Variants in SPTBN4 observed in about 807,000 individuals in gnomAD.
SPTBN4 encodes the protein spectrin beta chain, non-erythrocytic 4.
SPTBN4 carries 96 observed loss-of-function variants against 277.8 expected under a neutral mutation model. The observed-to-expected ratio is 0.35, with a 90% CI of 0.29 to 0.41. The LOEUF is 0.41. Among genes scored for constraint, SPTBN4 ranks in the 10% least tolerant of loss-of-function variants. SPTBN4 has a pLI of 1.00. For missense variants in SPTBN4, 3,006 were observed against 3,595.7 expected, an observed-to-expected ratio of 0.84 and a Z score of 4.19; for synonymous variants, 1,481 against 1,580.3, an observed-to-expected ratio of 0.94 and a Z score of 1.49.
rs557010488 is a variant in SPTBN4 at position 40,546,225 on chromosome 19, C to CAAA, written c.4360-2950_4360-2948dup. 8.5e-3 allele frequency among the ~76,000 whole-genome samples: 588 copies of CAAA among 69,260 alleles called. 11 individuals are homozygous for CAAA. Among genetic ancestry groups the CAAA allele is most frequent in the African/African-American group, 0.032 (562 of 17,810 alleles). 45.4% of individuals were successfully genotyped at this position (69,260 alleles called of 152,430 possible). ...GGGCAAAAAGAGCGAAACTCCATCT[C>CAAA]AAAAAAAAAAAAAAAAGAAAGAAAG... On this transcript the variant is annotated intron_variant, in intron 20 of 35. Coordinates refer to ENST00000598249, the MANE Select transcript of SPTBN4 (RefSeq NM_020971.3).
chr19:40,469,156 C>T (rs2079857136), intron 1 of SPTBN4, among the ~76,000 whole-genome samples: 2 of 152,054 alleles, frequency 1.3e-5, no homozygotes, highest in Non-Finnish European at 2.9e-5. Context: ...ACTCTACTCA[C>T]TCTACTGACC....
chr19:40,497,438 C>T (rs1377389669), intron 6 of SPTBN4, 51 bp from the exon 7 acceptor site: 16 of 1,429,968 alleles, frequency 1.1e-5, no homozygotes, highest in South Asian at 4.6e-5. Context: ...CCTGCTTGCC[C>T]GCCGGCTCTG....
At position 40,515,333 on chromosome 19, in the gene SPTBN4, A is replaced by T. The variant is rs767861217; in HGVS notation, c.2788A>T (p.Met930Leu). The T allele has an allele frequency of 6.2e-7, 1 of 1,612,688 alleles. No homozygotes were observed. The highest frequency in any genetic ancestry group is 1.7e-5 in the Admixed American group (1 of 59,818). The change falls in exon 15 of 36, where the codon ATG becomes TTG. Residue 930 changes from methionine (M) to leucine (L), a missense_variant. By Grantham distance (15) the Met-to-Leu change is conservative. This residue lies in a region of SPTBN4 where 1,759 missense variants were observed against 2,061.5 expected (regional missense o/e 0.85). Transcript: ENST00000598249. The surrounding 1 kb of genome is among the most constrained non-coding windows in gnomAD (Gnocchi z 4.1). ...QHRFESLDQE[M>L]NSLMGRVLDV... is the part of the protein sequence containing the mutation. ...CAGATTCGAGAGCCTGGACCAAGAGATGAACAGCCTGATGGGCCGCGTTCT... is the reference window on the plus strand; with the variant it reads ...CAGATTCGAGAGCCTGGACCAAGAGTTGAACAGCCTGATGGGCCGCGTTCT...
At chr19:40,489,948 C>T (rs2145828076) in intron 3 of SPTBN4, 127 bp from the exon 4 acceptor site, 4 of 925,068 alleles carry the variant, frequency 4.3e-6, no homozygotes, top group East Asian at 5.5e-5. Context: ...GAGAGGAGGA[C>T]AGCCTGATCC....
intron 20 of SPTBN4, 116 bp downstream of exon 20, chr19:40,534,459 A>G (rs1248757879): frequency 1.5e-6 from 2 of 1,337,176 alleles, no homozygotes; most frequent in African/African-American, 3.0e-5. Flanking sequence ...ATTTATTTCA[A>G]ACTTGTAGAA....
chr19:40,542,891 T>C (rs2080817905), intron 20 of SPTBN4, among the ~76,000 whole-genome samples: 1 of 152,078 alleles, frequency 6.6e-6, no homozygotes, highest in Admixed American at 6.6e-5. Flanking sequence ...GCTAATTATG[T>C]CTTCATAATT....
Position 40,517,267 on chromosome 19 carries a change from T to C in SPTBN4, c.2903+1819T>C, listed in dbSNP as rs532367326. Reference sequence around the variant, plus strand: ...AACCGGGCTTTGAAGATGGATATGTTTGACTTCAAAGACTGTGCTCTTTTT... The same window carrying C: ...AACCGGGCTTTGAAGATGGATATGTCTGACTTCAAAGACTGTGCTCTTTTT... On this transcript the variant is annotated intron_variant, in intron 15 of 35. Coordinates refer to ENST00000598249, the MANE Select transcript of SPTBN4 (RefSeq NM_020971.3). Among the ~76,000 whole-genome samples, 2 of 152,072 alleles carry C rather than the reference T, an allele frequency of 1.3e-5. 1 individual carries two copies. The highest frequency in any genetic ancestry group is 4.8e-5 in the African/African-American group (2 of 41,500).
At chr19:40,489,749 G>A (rs1352743828) in intron 3 of SPTBN4, among the ~76,000 whole-genome samples, 1 of 151,658 alleles carries the variant, frequency 6.6e-6, no homozygotes, top group Non-Finnish European at 1.5e-5. Context: ...CCAGGGCTGA[G>A]ACTATGGGCT....
At chr19:40,570,785 G>C in intron 33 of SPTBN4, 57 bp downstream of exon 33, 1 of 1,563,734 alleles carries the variant, frequency 6.4e-7, no homozygotes, top group Non-Finnish European at 8.7e-7. Flanking sequence ...TGACCATTGC[G>C]TGGAGCGGTG....
intron 15 of SPTBN4, among the ~76,000 whole-genome samples, chr19:40,517,554 G>T (rs549014484): frequency 2.0e-5 from 3 of 151,996 alleles, no homozygotes; most frequent in Non-Finnish European, 4.4e-5. Flanking sequence ...CTTGGCCTCC[G>T]CAAGTGCTGG....
rs796448731 is a variant in SPTBN4 at position 40,523,743 on chromosome 19, T to G, written c.3857+104T>G. 120 of 1,028,928 alleles carry G rather than the reference T, an allele frequency of 1.2e-4. No homozygotes were observed. In the African/African-American group the frequency reaches 1.8e-3, roughly 16 times the overall value. The allele number at this position is 1,028,928 out of a possible 1,614,324, so 63.7% of individuals were successfully genotyped here. A position where few individuals can be genotyped will look rare whatever the true frequency, so the allele number is the denominator to read the frequency against. On this transcript the variant is annotated intron_variant, in intron 17 of 35. Transcript: ENST00000598249. The stretch of plus-strand genomic sequence containing the variant: ...GGGTCCCACTCCTTTCATCACGATT[T>G]CTGCTTCTCTGGGGCTCTTTCCTAT...
intron 35 of SPTBN4, 123 bp downstream of exon 35, chr19:40,572,503 A>G: frequency 7.9e-7 from 1 of 1,271,292 alleles, no homozygotes; most frequent in Non-Finnish European, 1.1e-6. Context: ...TCAGGGCTGT[A>G]ATGGGAAAGC....
intron 30 of SPTBN4, 85 bp from the exon 31 acceptor site, chr19:40,567,578 A>C: frequency 1.5e-6 from 2 of 1,355,438 alleles, no homozygotes; most frequent in Non-Finnish European, 9.7e-7. Flanking sequence ...ATGAGGCAGA[A>C]AAACCCAGGC....
chr19:40,569,087 G>A (rs1242857016), intron 31 of SPTBN4, among the ~76,000 whole-genome samples: 5 of 152,088 alleles, frequency 3.3e-5, no homozygotes, highest in Non-Finnish European at 7.4e-5. Flanking sequence ...TCAGGGGTGG[G>A]TGGAGAAAGG....
At chr19:40,543,004 T>A (rs1302529327) in intron 20 of SPTBN4, among the ~76,000 whole-genome samples, 2 of 152,144 alleles carry the variant, frequency 1.3e-5, no homozygotes, top group African/African-American at 4.8e-5. Flanking sequence ...TGTCTTCATT[T>A]CTGAGCACCG....
intron 20 of SPTBN4, among the ~76,000 whole-genome samples, chr19:40,535,821 T>TAGCTACTCAGGAGGTTGTAATCCC (rs2080729059): frequency 6.6e-6 from 1 of 151,922 alleles, no homozygotes; most frequent in Non-Finnish European, 1.5e-5. Context: ...CCTGTAATCC[T>TAGCTACTCAGGAGGTTGTAATCCC]AGCTACTCAG....
At chr19:40,548,392 A>G (rs1255551237) in intron 20 of SPTBN4, among the ~76,000 whole-genome samples, 1 of 152,004 alleles carries the variant, frequency 6.6e-6, no homozygotes, top group Non-Finnish European at 1.5e-5. Flanking sequence ...TTGGGAGGTC[A>G]AGGCACAAGA....
At chr19:40,482,719 T>G (rs1247053910) in intron 2 of SPTBN4, among the ~76,000 whole-genome samples, 1 of 152,022 alleles carries the variant, frequency 6.6e-6, no homozygotes, top group Non-Finnish European at 1.5e-5. Context: ...CCCAGCACTT[T>G]GGGAGGCTGA....
chr19:40,572,527 G>T, intron 35 of SPTBN4, 147 bp downstream of exon 35: 1 of 985,318 alleles, frequency 1.0e-6, no homozygotes. Context: ...CAGGCACTGA[G>T]AGCCCAAAGG....
Sources: allele counts gnomAD v4.1 joint callset (sites outside exome capture counted in the v4.1 genomes callset), GRCh38; gene constraint gnomAD v4.1.1; regional missense constraint gnomAD v4.1.1; non-coding constraint Gnocchi (gnomAD v3.1); transcripts MANE v1.5; gene names NCBI Gene and HGNC (gene_info 2026-07-23, HGNC 2026-07-21).